TSGA13: variants seen among roughly 807,000 people sequenced by gnomAD.
TSGA13 encodes the protein testis-specific gene 13 protein.
A neutral mutation model predicts 35.1 loss-of-function variants in TSGA13; 37 were observed. The observed-to-expected ratio is 1.05, with a 90% confidence interval of 0.81 to 1.39. The LOEUF (loss-of-function observed/expected upper bound fraction) is 1.39, where lower values mean the gene tolerates loss of function less well. Among genes scored for constraint, TSGA13 ranks in the 40% most tolerant of loss-of-function variants. TSGA13 has a pLI of 0.00. For synonymous variants in TSGA13, 124 were observed against 121.2 expected, an observed-to-expected ratio of 1.02 and a Z score of -0.15; for missense variants, 338 against 328.5, an observed-to-expected ratio of 1.03 and a Z score of -0.22.
intron 5 of TSGA13, among the ~76,000 whole-genome samples, chr7:130,678,116 C>T (rs782530709): frequency 2.6e-5 from 4 of 152,122 alleles, no homozygotes; most frequent in Non-Finnish European, 4.4e-5. Context: ...CGATGGCTCA[C>T]GCCTGTAATC....
At chr7:130,679,091 T>A in intron 5 of TSGA13, 64 bp downstream of exon 5, 1 of 1,307,892 alleles carries the variant, frequency 7.6e-7, no homozygotes. Context: ...GTTAACTTCC[T>A]TCTCAATGCT....
At chr7:130,672,977 T>A in intron 5 of TSGA13, 101 bp from the exon 6 acceptor site, 2 of 1,327,278 alleles carry the variant, frequency 1.5e-6, no homozygotes, top group East Asian at 5.4e-5. Flanking sequence ...TCCCCTACAA[T>A]CATGCAACAA....
intron 3 of TSGA13, among the ~76,000 whole-genome samples, chr7:130,681,607 A>G (rs1388249823): frequency 2.6e-5 from 4 of 152,184 alleles, no homozygotes; most frequent in Non-Finnish European, 5.9e-5. Context: ...GCAAAAAATA[A>G]TTGAATTTTG....
At position 130,668,696 on chromosome 7, in the gene TSGA13, C is replaced by T. The variant is rs549446048; in HGVS notation, c.*318G>A. 10 of 1,521,912 alleles carry T rather than the reference C, an allele frequency of 6.6e-6. No individual in the cohort carries two copies. In the South Asian group the frequency reaches 1.1e-4, roughly 17 times the overall value. The allele number at this position is 1,521,912 out of a possible 1,614,324, so 94.3% of individuals were successfully genotyped here. On this transcript the variant is annotated 3_prime_UTR_variant, in exon 8 of 8. Transcript: ENST00000356588. ...TGGACGACTTCCCAGCGCCCAGACC[C>T]ACCGCAACCGTCCCAGGCGCCGCAG... is the stretch of plus-strand genomic sequence containing the variant.
At chr7:130,681,337 TC>T (rs1796540432) in intron 3 of TSGA13, among the ~76,000 whole-genome samples, 1 of 152,158 alleles carries the variant, frequency 6.6e-6, no homozygotes, top group South Asian at 2.1e-4. Flanking sequence ...GACAAATCTT[TC>T]CAAGGAGTCA....
In TSGA13 at chr7:130,671,730, T is replaced by A; in HGVS notation, c.589A>T (p.Arg197Trp). The A allele has an allele frequency of 5.0e-6, 8 of 1,610,712 alleles. No homozygotes were observed. Among genetic ancestry groups the A allele is most frequent in the Non-Finnish European group, 6.8e-6 (8 of 1,177,748 alleles). Residue 197 changes from arginine (R) to tryptophan (W), a missense_variant, in exon 7 of 8, where the codon AGG (arginine) becomes TGG (tryptophan). Physicochemically the swap from Arg to Trp is moderately radical, Grantham distance 101. Transcript: ENST00000356588. ...EGKYSKVYAL[R>W]TQKKMYPQLT... ...TGAGGGTACATTTTCTTCTGTGTCC[T>A]CAAAGCGTAGACTTTTGAATACTTC...
In TSGA13 at chr7:130,683,833, A is replaced by G. The variant is rs146639884; in HGVS notation, c.24-161T>C. Among the ~76,000 whole-genome samples the G allele has an allele frequency of 6.6e-3, 1,001 of 152,322 alleles. 8 individuals carry two copies. The highest frequency in any genetic ancestry group is 0.01 in the Middle Eastern group (3 of 294). Reference sequence around the variant, plus strand: ...ACTAAGTAGCAAAAAAATCAGACTCATTATCCAGCCTGCATGCTAGGGAAA... The same window carrying G: ...ACTAAGTAGCAAAAAAATCAGACTCGTTATCCAGCCTGCATGCTAGGGAAA... On this transcript the variant is annotated intron_variant, in intron 2 of 7. Coordinates refer to ENST00000356588, the MANE Select transcript of TSGA13 (RefSeq NM_052933.4).
At chr7:130,684,086 T>A (rs542057240) in intron 2 of TSGA13, among the ~76,000 whole-genome samples, 1 of 152,350 alleles carries the variant, frequency 6.6e-6, no homozygotes, top group South Asian at 2.1e-4. Flanking sequence ...GAAATTGCCC[T>A]GTTTTTGCCA....
Position 130,671,693 on chromosome 7 carries a change from G to A in TSGA13, c.626C>T (p.Ala209Val). ...QKKMYPQLTF[A>V]PVHERDMRKD... ...CCTCATATCTCTCTCATGGACTGGA[G>A]CAAAGGTGAGCTGAGGGTACATTTT... Residue 209 changes from alanine to valine, a missense_variant, in exon 7 of 8, where the codon GCT becomes GTT. Coordinates refer to ENST00000356588, the MANE Select transcript of TSGA13 (RefSeq NM_052933.4). 6.2e-7 allele frequency: 1 copy of A among 1,605,464 alleles called. No individual in the cohort carries two copies. Among genetic ancestry groups the A allele is most frequent in the Non-Finnish European group, 8.5e-7 (1 of 1,174,596 alleles).
At chr7:130,673,729 G>A (rs1009391623) in intron 5 of TSGA13, among the ~76,000 whole-genome samples, 2 of 151,760 alleles carry the variant, frequency 1.3e-5, no homozygotes, top group East Asian at 1.9e-4. Context: ...ACTAATGTGC[G>A]GCAATCTGAA....
rs368389043 is a variant in TSGA13, at chr7:130,680,882, G to A, written c.174+64C>T. On this transcript the variant is annotated intron_variant, in intron 4 of 7. Transcript: ENST00000356588. ...TGGAGGCATTAGGGACACTCGCAGT[G>A]GGCATCTGCACCACTGCTGAAACTT... The A allele has an allele frequency of 1.0e-5, 15 of 1,446,462 alleles. No homozygotes were observed. The African/African-American group carries it at 1.3e-4, about 12-fold the overall frequency. 89.6% of individuals were successfully genotyped at this position (1,446,462 alleles called of 1,614,324 possible). A position where few individuals can be genotyped will look rare whatever the true frequency, so the allele number is the denominator to read the frequency against.
chr7:130,685,046 T>A, intron 2 of TSGA13, 142 bp downstream of exon 2: 1 of 903,650 alleles, frequency 1.1e-6, no homozygotes, highest in Admixed American at 2.0e-5. Context: ...ATCCGGTTTT[T>A]GATCCAGGGA....
intron 4 of TSGA13, among the ~76,000 whole-genome samples, chr7:130,680,306 A>AC (rs1796513613): frequency 6.6e-6 from 1 of 152,140 alleles, no homozygotes; most frequent in Non-Finnish European, 1.5e-5. Flanking sequence ...GGAGATCGAG[A>AC]CCATCCTGGC....
rs1584626338 is a variant in TSGA13, at chr7:130,668,768, G to A, written c.*246C>T. On this transcript the variant is annotated 3_prime_UTR_variant, in exon 8 of 8. Transcript: ENST00000356588. ...AGGAAGGCCGGCCCCGCGCTCTCAC[G>A]CCGGTTGGGCCGCCGCGCCTTCACT... 1 of 1,391,472 alleles carries A rather than the reference G, an allele frequency of 7.2e-7. No individual in the cohort carries two copies. The highest frequency in any genetic ancestry group is 9.6e-7 in the Non-Finnish European group (1 of 1,042,042). 86.2% of individuals were successfully genotyped at this position (1,391,472 alleles called of 1,614,324 possible). A position where few individuals can be genotyped will look rare whatever the true frequency, so the allele number is the denominator to read the frequency against.
At chr7:130,682,064 C>T (rs1350849043) in intron 3 of TSGA13, among the ~76,000 whole-genome samples, 5 of 151,842 alleles carry the variant, frequency 3.3e-5, no homozygotes, top group African/African-American at 7.3e-5. Flanking sequence ...CTCAGCATCC[C>T]GAGTACCTGG....
At chr7:130,671,835 T>C in intron 6 of TSGA13, 47 bp from the exon 7 acceptor site, 2 of 1,371,546 alleles carry the variant, frequency 1.5e-6, no homozygotes, top group Non-Finnish European at 1.9e-6. Flanking sequence ...GGCAGGGGGA[T>C]TCATGGAACT....
chr7:130,668,885 T>C lies in TSGA13; in HGVS notation c.*129A>G. On this transcript the variant is annotated 3_prime_UTR_variant, in exon 8 of 8. Transcript: ENST00000356588. The stretch of plus-strand genomic sequence containing the variant: ...CTTGCGGCCCGCCGGAGACTTCGGC[T>C]CGACCCTCCCGGCTTGCGACCCGGG... 7.0e-7 allele frequency: 1 copy of C among 1,429,216 alleles called. No individual in the cohort carries two copies. Among genetic ancestry groups the C allele is most frequent in the Non-Finnish European group, 9.4e-7 (1 of 1,064,032 alleles). 88.5% of individuals were successfully genotyped at this position (1,429,216 alleles called of 1,614,324 possible).
At chr7:130,670,930 T>A (rs1796253036) in intron 7 of TSGA13, among the ~76,000 whole-genome samples, 1 of 152,232 alleles carries the variant, frequency 6.6e-6, no homozygotes, top group Non-Finnish European at 1.5e-5. Context: ...CAAGGCCTTT[T>A]ATGATCTGTT....
intron 7 of TSGA13, 125 bp from the exon 8 acceptor site, chr7:130,669,308 T>C: frequency 1.7e-6 from 2 of 1,177,458 alleles, no homozygotes; most frequent in Non-Finnish European, 2.4e-6. Flanking sequence ...GGGTAGATTT[T>C]GGACCGTGTA....
Sources: allele counts gnomAD v4.1 joint callset (sites outside exome capture counted in the v4.1 genomes callset), GRCh38; gene constraint gnomAD v4.1.1; transcripts MANE v1.5; gene names NCBI Gene and HGNC (gene_info 2026-07-23, HGNC 2026-07-21).